Variants in PCSK5 observed in about 807,000 individuals in gnomAD.
The protein encoded by PCSK5 is proprotein convertase subtilisin/kexin type 5, also known as prohormone convertase 5.
PCSK5 carries 129 observed loss-of-function variants against 233.2 expected under a neutral mutation model. That is an observed-to-expected ratio of 0.55 (90% CI 0.48 to 0.64). The LOEUF (loss-of-function observed/expected upper bound fraction) is 0.64, where lower values mean the gene tolerates loss of function less well. Ranked by LOEUF, PCSK5 falls within the 30% of genes least tolerant of loss-of-function variation. PCSK5 has a pLI of 0.00. For synonymous variants in PCSK5, 825 were observed against 879.2 expected (o/e 0.94, Z 1.09); for missense variants, 2,076 against 2,430.1 (o/e 0.85, Z 3.06).
chr9:75,924,925 C>T (rs1440169277), intron 1 of PCSK5, among the ~76,000 whole-genome samples: 2 of 152,154 alleles, frequency 1.3e-5, no homozygotes, highest in African/African-American at 2.4e-5. Flanking sequence ...ACTCTGTGAG[C>T]CTCTGCTTTC....
In PCSK5 at chr9:76,351,500, GAAAGAAAGAAAGAAAGAAAGAAAGAAAGA is replaced by G. The variant is rs1564196776; in HGVS notation, c.5067+575_5067+603del. On this transcript the variant is annotated intron_variant, in intron 36 of 37. Transcript: ENST00000674117. ...AGAAAGAAAGAAAGAAAGAAAGAAA[GAAAGAAAGAAAGAAAGAAAGAAAGAAAGA>G]AAGGAAGGAAAGAAAGAGAAAGAAG... Among the ~76,000 whole-genome samples the G allele has an allele frequency of 8.8e-5, 9 of 101,732 alleles. 1 individual carries two copies. The East Asian group carries it at 1.1e-3, about 13-fold the overall frequency. 66.7% of individuals were successfully genotyped at this position (101,732 alleles called of 152,430 possible). A position where few individuals can be genotyped will look rare whatever the true frequency, so the allele number is the denominator to read the frequency against.
At position 76,189,340 on chromosome 9, in the gene PCSK5, T is replaced by G. The variant is rs954343799; in HGVS notation, c.2510+117T>G. The stretch of plus-strand genomic sequence containing the variant: ...AATGATAACACTAGGTTTAAACATG[T>G]ACCTGTGGACACTGTTCTGAAGCTT... On this transcript the variant is annotated intron_variant, in intron 19 of 37. Coordinates refer to ENST00000674117, the MANE Select transcript of PCSK5 (RefSeq NM_001372043.1). 6.9e-6 allele frequency: 6 copies of G among 864,436 alleles called. No homozygotes were observed. In the South Asian group the frequency reaches 8.3e-5, roughly 12 times the overall value. The allele number at this position is 864,436 out of a possible 1,614,324, so 53.5% of individuals were successfully genotyped here. A position where few individuals can be genotyped will look rare whatever the true frequency, so the allele number is the denominator to read the frequency against.
At chr9:76,353,986 G>A in intron 36 of PCSK5, 47 bp from the exon 37 acceptor site, 3 of 1,412,536 alleles carry the variant, frequency 2.1e-6, no homozygotes, top group East Asian at 2.4e-5. Context: ...CCAGTGCCTT[G>A]TTAATCCCTT....
At chr9:76,116,780 G>GAATACAAGGTA (rs897690896) in intron 9 of PCSK5, among the ~76,000 whole-genome samples, 3 of 152,074 alleles carry the variant, frequency 2.0e-5, no homozygotes, top group Admixed American at 2.0e-4. Context: ...TGTGGAAGGT[G>GAATACAAGGTA]AATACAAGGT....
intron 2 of PCSK5, among the ~76,000 whole-genome samples, chr9:75,936,949 C>T (rs1427065362): frequency 1.3e-5 from 2 of 149,620 alleles, no homozygotes; most frequent in Admixed American, 6.8e-5. Flanking sequence ...AGAATGATGT[C>T]GTGTTAGCAG....
intron 2 of PCSK5, among the ~76,000 whole-genome samples, chr9:75,950,276 A>G (rs888648548): frequency 1.3e-5 from 2 of 151,736 alleles, no homozygotes; most frequent in African/African-American, 4.8e-5. Flanking sequence ...GTAACAAGAG[A>G]TATTAAATTT....
chr9:76,268,570 G>T (rs575656781), intron 24 of PCSK5, among the ~76,000 whole-genome samples: 3 of 152,330 alleles, frequency 2.0e-5, no homozygotes, highest in South Asian at 2.1e-4. Context: ...GCGGCTGGGT[G>T]CAGTGGCTCA....
chr9:76,328,268 T>C (rs753663198), intron 33 of PCSK5, 29 bp downstream of exon 33: 28 of 1,505,346 alleles, frequency 1.9e-5, no homozygotes, highest in Non-Finnish European at 2.4e-5. Context: ...GACAGCTTTG[T>C]GTTTCCATCT....
chr9:75,950,217 GT>G (rs549663422), intron 2 of PCSK5, among the ~76,000 whole-genome samples: 3,781 of 137,450 alleles, frequency 0.028, 67 homozygotes, highest in Non-Finnish European at 0.039. Flanking sequence ...TTATTTATTT[GT>G]TTTTTTTTTT....
At chr9:76,029,825 G>A (rs1457874981) in intron 5 of PCSK5, among the ~76,000 whole-genome samples, 1 of 152,154 alleles carries the variant, frequency 6.6e-6, no homozygotes, top group Non-Finnish European at 1.5e-5. Context: ...TTCTTAAGGG[G>A]CTATTATTGA....
At chr9:76,321,282 T>A (rs1161776572) in intron 30 of PCSK5, 140 bp from the exon 31 acceptor site, 2 of 596,254 alleles carry the variant, frequency 3.4e-6, no homozygotes. Flanking sequence ...TCTTTTCACT[T>A]CCTTATAAAT....
At chr9:76,205,708 GGCTAA>G (rs1825090911) in intron 20 of PCSK5, among the ~76,000 whole-genome samples, 1 of 152,146 alleles carries the variant, frequency 6.6e-6, no homozygotes, top group South Asian at 2.1e-4. Flanking sequence ...TGTTGTCTCA[GGCTAA>G]TTATTAGACA....
At chr9:76,292,433 G>C (rs10117240) in intron 25 of PCSK5, among the ~76,000 whole-genome samples, 158 bp downstream of exon 25, 3,229 of 152,248 alleles carry the variant, frequency 0.021, 113 homozygotes, top group African/African-American at 0.074. Flanking sequence ...TTAGCAATAA[G>C]AGCCCAGCTG....
chr9:76,063,033 T>G (rs1348526551), intron 5 of PCSK5, among the ~76,000 whole-genome samples: 1 of 152,186 alleles, frequency 6.6e-6, no homozygotes, highest in Non-Finnish European at 1.5e-5. Context: ...CACATATGGG[T>G]GAGGACATGC....
chr9:76,224,080 T>C (rs1015527770), intron 20 of PCSK5, among the ~76,000 whole-genome samples: 1 of 152,190 alleles, frequency 6.6e-6, no homozygotes, highest in Non-Finnish European at 1.5e-5. Flanking sequence ...TTAGTTGTCT[T>C]ACACTGACGC....
intron 2 of PCSK5, among the ~76,000 whole-genome samples, chr9:75,974,251 C>T (rs1026393670): frequency 2.6e-5 from 4 of 152,106 alleles, no homozygotes; most frequent in East Asian, 3.9e-4. Flanking sequence ...GTAGGGCTGG[C>T]GTAGGACCGA....
At position 76,159,104 on chromosome 9, in the gene PCSK5, A is replaced by G. The variant is rs1440705488; in HGVS notation, c.1552A>G (p.Arg518Gly). The part of the protein sequence containing the change: ...VVVRITITHP[R>G]RGDLAIYLTS... Reference sequence around the variant, plus strand: ...TGTGCGCATCACCATCACCCACCCCAGGAGAGGAGACCTGGCCATCTACCT... The same window carrying G: ...TGTGCGCATCACCATCACCCACCCCGGGAGAGGAGACCTGGCCATCTACCT... Residue 518 changes from arginine to glycine, a missense_variant, in exon 12 of 38, where the codon AGG becomes GGG. Arg to Gly is a moderately radical substitution (Grantham distance 125). Coordinates refer to ENST00000674117, the MANE Select transcript of PCSK5 (RefSeq NM_001372043.1). 1 of 1,614,154 alleles carries G rather than the reference A, an allele frequency of 6.2e-7. No individual in the cohort carries two copies. The highest frequency in any genetic ancestry group is 8.5e-7 in the Non-Finnish European group (1 of 1,180,008).
chr9:76,181,191 T>A (rs1823855847), intron 15 of PCSK5, among the ~76,000 whole-genome samples: 1 of 152,150 alleles, frequency 6.6e-6, no homozygotes, highest in Admixed American at 6.5e-5. Flanking sequence ...CTTGGTAGAT[T>A]TGGTGTTGGG....
At position 76,358,767 on chromosome 9, in the gene PCSK5, T is replaced by TA; in HGVS notation, c.5510dup (p.Tyr1837Ter). ...TSFEEDQVIEYRDRDYDEDDD... is the reference protein window; with the variant it reads ...TSFEEDQVIE ...CTTTGAAGAGGATCAGGTGATTGAG[T>TA]ACAGGGATCGGGACTATGATGAGGA... The change falls in exon 38 of 38, where the codon TAC becomes TAAC. Residue 1837 changes from tyrosine to a stop codon, truncating the protein, a stop_gained and frameshift_variant. Coordinates refer to ENST00000674117, the MANE Select transcript of PCSK5 (RefSeq NM_001372043.1). LOFTEE classifies it high-confidence loss of function. The TA allele has an allele frequency of 6.2e-7, 1 of 1,612,850 alleles. No individual in the cohort carries two copies. The highest frequency in any genetic ancestry group is 1.7e-5 in the Admixed American group (1 of 60,002).
Sources: allele counts gnomAD v4.1 joint callset (sites outside exome capture counted in the v4.1 genomes callset), GRCh38; gene constraint gnomAD v4.1.1; transcripts MANE v1.5; gene names NCBI Gene and HGNC (gene_info 2026-07-23, HGNC 2026-07-21).